The following DIP2C variants were observed in gnomAD, a reference collection of about 807,000 sequenced individuals.
The protein encoded by DIP2C is DIP2 acetate--CoA ligase C (putative).
Under a neutral mutation model 192.4 loss-of-function variants are expected in DIP2C, and 33 were observed. The observed-to-expected ratio is 0.17, with a 90% CI of 0.13 to 0.23. DIP2C has a LOEUF of 0.23. DIP2C is among the 10% of genes least tolerant of loss of function. The pLI, the probability that DIP2C is intolerant of heterozygous loss-of-function variation, is 1.00. For synonymous variants in DIP2C, 979 were observed against 864.1 expected, an observed-to-expected ratio of 1.13 and a Z score of -2.33; for missense variants, 1,537 against 2,110.1, an observed-to-expected ratio of 0.73 and a Z score of 5.32.
chr10:294,601 A>G (rs1955657880), intron 32 of DIP2C, among the ~76,000 whole-genome samples: 1 of 138,062 alleles, frequency 7.2e-6, no homozygotes, highest in Non-Finnish European at 1.5e-5. Context: ...CTAAAAAAAG[A>G]AAAAAAAAAA....
chr10:422,232 G>A (rs1330813755), intron 5 of DIP2C, among the ~76,000 whole-genome samples: 1 of 152,168 alleles, frequency 6.6e-6, no homozygotes, highest in Non-Finnish European at 1.5e-5. Flanking sequence ...ACCGTTCAAA[G>A]GCAGAGCGAC....
chr10:452,910 C>T (rs1217046430), intron 3 of DIP2C, among the ~76,000 whole-genome samples: 1 of 152,198 alleles, frequency 6.6e-6, no homozygotes, highest in Non-Finnish European at 1.5e-5. Context: ...GCCAGCGGAT[C>T]ACCGGGAGGC....
chr10:595,356 G>T (rs556201708), intron 1 of DIP2C, among the ~76,000 whole-genome samples: 1 of 152,238 alleles, frequency 6.6e-6, no homozygotes, highest in East Asian at 1.9e-4. Context: ...GCCAAAAACA[G>T]CCAAATATTG....
At chr10:558,174 G>A (rs569618617) in intron 1 of DIP2C, among the ~76,000 whole-genome samples, 1 of 152,156 alleles carries the variant, frequency 6.6e-6, no homozygotes, top group African/African-American at 2.4e-5. Flanking sequence ...TACTAACTAT[G>A]ATAAAGACTA....
At chr10:436,041 A>T (rs1488462100) in intron 4 of DIP2C, among the ~76,000 whole-genome samples, 1 of 152,218 alleles carries the variant, frequency 6.6e-6, no homozygotes, top group African/African-American at 2.4e-5. Context: ...TATACTTTCA[A>T]TAAGAAATAC....
At chr10:602,780 C>A (rs1245023656) in intron 1 of DIP2C, among the ~76,000 whole-genome samples, 2 of 152,170 alleles carry the variant, frequency 1.3e-5, no homozygotes, top group Non-Finnish European at 2.9e-5. Flanking sequence ...ACGGGGTTCA[C>A]AAGGAATTCT....
chr10:536,091 G>A (rs1847676347), intron 1 of DIP2C, among the ~76,000 whole-genome samples: 1 of 152,202 alleles, frequency 6.6e-6, no homozygotes, highest in African/African-American at 2.4e-5. Context: ...CTGGGAGCCA[G>A]AAGTCCACAA....
At chr10:523,524 C>T (rs1588383351) in intron 1 of DIP2C, among the ~76,000 whole-genome samples, 9 of 141,764 alleles carry the variant, frequency 6.3e-5, no homozygotes, top group African/African-American at 7.9e-5. Context: ...TCGTTTCTAC[C>T]TGAGCAAAGG....
Position 344,918 on chromosome 10 carries a change from T to C in DIP2C, c.3344A>G (p.Asp1115Gly), listed in dbSNP as rs767750229. ...GGCAGGCCGCTTCTTTGGCAAATCATCTGGAGAGGAACATGACTATCAGCA... is the reference window on the plus strand; with the variant it reads ...GGCAGGCCGCTTCTTTGGCAAATCACCTGGAGAGGAACATGACTATCAGCA... The part of the protein sequence containing the change: ...VRTWPLILDT[D>G]DLPKKRPAQI... The change falls in exon 28 of 37, where the codon GAT becomes GGT. Residue 1115 changes from aspartate to glycine, a missense_variant and splice_region_variant. This residue lies in a region of DIP2C where 677 missense variants were observed against 989.9 expected (regional missense o/e 0.68). Transcript: ENST00000280886. 4 of 1,605,748 alleles carry C rather than the reference T, an allele frequency of 2.5e-6. No homozygotes were observed. The highest frequency in any genetic ancestry group is 2.7e-5 in the African/African-American group (2 of 74,850).
chr10:379,852 C>A (rs1962165819), intron 17 of DIP2C, among the ~76,000 whole-genome samples: 1 of 151,992 alleles, frequency 6.6e-6, no homozygotes, highest in African/African-American at 2.4e-5. Flanking sequence ...AGATGGTTAA[C>A]ACGCAGAAGA....
At position 468,054 on chromosome 10, in the gene DIP2C, A is replaced by C. The variant is rs529262699; in HGVS notation, c.268+4385T>G. ...ACCTCGAGCTGCCAAGTCTCCCTAG[A>C]AGCCACAGCCCTTTCCTTGTGAATG... On this transcript the variant is annotated intron_variant, in intron 3 of 36. Coordinates refer to ENST00000280886, the MANE Select transcript of DIP2C (RefSeq NM_014974.3). Among the ~76,000 whole-genome samples the C allele has an allele frequency of 3.9e-5, 6 of 152,290 alleles. No homozygotes were observed. The East Asian group carries it at 1.2e-3, about 29-fold the overall frequency.
chr10:413,039 C>T (rs1965287480), intron 8 of DIP2C, among the ~76,000 whole-genome samples: 1 of 152,136 alleles, frequency 6.6e-6, no homozygotes, highest in South Asian at 2.1e-4. Flanking sequence ...GGCTGGAGTG[C>T]TGTGACACAA....
chr10:366,818 G>A (rs1260042787), intron 18 of DIP2C, among the ~76,000 whole-genome samples: 1 of 152,112 alleles, frequency 6.6e-6, no homozygotes, highest in Non-Finnish European at 1.5e-5. Flanking sequence ...CTGAATCTTC[G>A]ATTTCACACT....
intron 1 of DIP2C, among the ~76,000 whole-genome samples, chr10:494,387 T>C (rs916316328): frequency 6.6e-6 from 1 of 152,158 alleles, no homozygotes; most frequent in African/African-American, 2.4e-5. Context: ...AGCCTCAACT[T>C]TCCACAACAC....
intron 2 of DIP2C, among the ~76,000 whole-genome samples, chr10:478,667 T>G (rs1248004434): frequency 6.7e-6 from 1 of 149,962 alleles, no homozygotes; most frequent in Admixed American, 6.7e-5. Context: ...ATGCTAGGGG[T>G]GTAGACACAT....
intron 1 of DIP2C, among the ~76,000 whole-genome samples, chr10:547,553 G>A (rs1244752296): frequency 6.6e-6 from 1 of 152,196 alleles, no homozygotes; most frequent in Non-Finnish European, 1.5e-5. Context: ...TATCCAGGAG[G>A]AAGGGAGGGT....
At chr10:480,663 T>G (rs1292142030) in intron 2 of DIP2C, among the ~76,000 whole-genome samples, 2 of 151,722 alleles carry the variant, frequency 1.3e-5, no homozygotes, top group African/African-American at 4.9e-5. Context: ...TAGGCTCAGC[T>G]GCACTCCCTC....
chr10:295,247 A>G (rs538329893), intron 32 of DIP2C, among the ~76,000 whole-genome samples: 6 of 152,284 alleles, frequency 3.9e-5, no homozygotes, highest in African/African-American at 1.4e-4. Flanking sequence ...CTACAATGAG[A>G]TATCATCTCA....
chr10:568,709 T>C (rs1412015468), intron 1 of DIP2C, among the ~76,000 whole-genome samples: 2 of 131,404 alleles, frequency 1.5e-5, no homozygotes, highest in East Asian at 2.3e-4. Context: ...GAGCTTGCAG[T>C]GAGTCGAGAT....
Sources: allele counts gnomAD v4.1 joint callset (sites outside exome capture counted in the v4.1 genomes callset), GRCh38; gene constraint gnomAD v4.1.1; regional missense constraint gnomAD v4.1.1; transcripts MANE v1.5; gene names NCBI Gene and HGNC (gene_info 2026-07-23, HGNC 2026-07-21).